Variants in CAPZB observed in about 807,000 individuals in gnomAD.
The protein encoded by CAPZB is F-actin-capping protein subunit beta.
In CAPZB, 2 loss-of-function variants were observed where a neutral mutation model predicts 38.1. The ratio of observed to expected loss-of-function variants is 0.05; its 90% confidence interval spans 0.02 to 0.17. The LOEUF (loss-of-function observed/expected upper bound fraction) is 0.17. Among genes scored for constraint, CAPZB ranks in the 10% least tolerant of loss-of-function variants. CAPZB has a pLI of 1.00. For synonymous variants in CAPZB, 107 were observed against 127.4 expected (o/e 0.84, Z 1.08); for missense variants, 161 against 334.2 (o/e 0.48, Z 4.04).
At chr1:19,385,461 C>T (rs370401619) in intron 3 of CAPZB, 44 bp downstream of exon 3, 217 of 1,609,326 alleles carry the variant, frequency 1.3e-4, no homozygotes, top group Middle Eastern at 2.2e-4. Flanking sequence ...CGGCAGCCCG[C>T]GTGTGCCTGC....
At chr1:19,340,273 G>GC (rs1301186067) in intron 8 of CAPZB, among the ~76,000 whole-genome samples, 1 of 152,190 alleles carries the variant, frequency 6.6e-6, no homozygotes, top group Non-Finnish European at 1.5e-5. Context: ...CTGCTGTGAG[G>GC]CACCATCCGC....
chr1:19,378,987 A>G (rs2094158321), intron 3 of CAPZB, among the ~76,000 whole-genome samples: 1 of 152,174 alleles, frequency 6.6e-6, no homozygotes, highest in Non-Finnish European at 1.5e-5. Flanking sequence ...GAAATGAGAC[A>G]AGCAGATCAA....
intron 1 of CAPZB, among the ~76,000 whole-genome samples, chr1:19,474,171 T>C (rs925118522): frequency 6.6e-6 from 1 of 152,120 alleles, no homozygotes; most frequent in Non-Finnish European, 1.5e-5. Context: ...AATTTTTGTA[T>C]TTTTTGTAGA....
chr1:19,406,147 G>C (rs1443771627), intron 2 of CAPZB, among the ~76,000 whole-genome samples: 1 of 152,250 alleles, frequency 6.6e-6, no homozygotes, highest in Non-Finnish European at 1.5e-5. Context: ...CGTCTGATTA[G>C]TGAATAAGAA....
chr1:19,358,603 T>C (rs2239623), intron 4 of CAPZB, among the ~76,000 whole-genome samples: 50,659 of 152,060 alleles, frequency 0.33, 9,317 homozygotes, highest in East Asian at 0.56. Context: ...TGAGCAGAGG[T>C]GAGGGGTGGA....
At chr1:19,473,312 A>C (rs1206813747) in intron 1 of CAPZB, among the ~76,000 whole-genome samples, 1 of 152,186 alleles carries the variant, frequency 6.6e-6, no homozygotes, top group Non-Finnish European at 1.5e-5. Context: ...CAAGGCCTCC[A>C]TATCCACATC....
chr1:19,457,779 G>C (rs563738297), intron 1 of CAPZB, among the ~76,000 whole-genome samples: 2 of 152,082 alleles, frequency 1.3e-5, no homozygotes, highest in Admixed American at 1.3e-4. Flanking sequence ...ACTGTGGCAC[G>C]GTAACGTTAC....
At chr1:19,418,696 C>T (rs1305998226) in intron 2 of CAPZB, among the ~76,000 whole-genome samples, 4 of 152,202 alleles carry the variant, frequency 2.6e-5, no homozygotes, top group African/African-American at 4.8e-5. Flanking sequence ...ACAGACCTTT[C>T]GGGCTGCTGT....
Position 19,474,078 on chromosome 1 carries a change from T to C in CAPZB, c.3+11358A>G, listed in dbSNP as rs927241231. 2.0e-5 allele frequency among the ~76,000 whole-genome samples: 3 copies of C among 151,944 alleles called. No individual in the cohort carries two copies. In the East Asian group the frequency reaches 5.8e-4, roughly 29 times the overall value. On this transcript the variant is annotated intron_variant, in intron 1 of 8. Transcript: ENST00000264202. ...TGATGTGATCTCGGCTCACTGCAAC[T>C]TCTACCTCCCAGGCTCAAATGATCC...
At chr1:19,368,081 C>A (rs1438301541) in intron 4 of CAPZB, among the ~76,000 whole-genome samples, 1 of 152,166 alleles carries the variant, frequency 6.6e-6, no homozygotes, top group Non-Finnish European at 1.5e-5. Context: ...GTGTCAGGGG[C>A]TTTGCATATC....
At chr1:19,358,417 C>A (rs949243213) in intron 4 of CAPZB, among the ~76,000 whole-genome samples, 3 of 152,224 alleles carry the variant, frequency 2.0e-5, no homozygotes, top group Admixed American at 2.0e-4. Context: ...GGATTACAGG[C>A]ATGAGCCACT....
chr1:19,342,538 C>T (rs2093935600), intron 8 of CAPZB, among the ~76,000 whole-genome samples: 1 of 152,258 alleles, frequency 6.6e-6, no homozygotes, highest in African/African-American at 2.4e-5. Flanking sequence ...CACACCCAGC[C>T]TCCACCCAGA....
chr1:19,349,899 G>A (rs1192198959), intron 6 of CAPZB, among the ~76,000 whole-genome samples: 1 of 152,310 alleles, frequency 6.6e-6, no homozygotes, highest in East Asian at 1.9e-4. Flanking sequence ...GGGTCGGCTC[G>A]GTGGCAATAC....
intron 1 of CAPZB, chr1:19,484,757 G>A (rs2094644810): frequency 1.9e-6 from 2 of 1,028,636 alleles, no homozygotes; most frequent in Non-Finnish European, 2.3e-6. Flanking sequence ...GTTACGCTAG[G>A]AGTGGCGAAA....
intron 1 of CAPZB, chr1:19,484,438 G>A: frequency 6.6e-7 from 1 of 1,506,848 alleles, no homozygotes; most frequent in Non-Finnish European, 8.9e-7. Context: ...CTGCCCTGCA[G>A]AATGCTTCGC....
chr1:19,451,954 AATT>A, intron 1 of CAPZB, among the ~76,000 whole-genome samples: 1 of 152,120 alleles, frequency 6.6e-6, no homozygotes, highest in East Asian at 1.9e-4. Flanking sequence ...TTATTATTGT[AATT>A]ATTATTTTAT....
Position 19,377,160 on chromosome 1 carries a change from T to C in CAPZB, c.329+1380A>G, listed in dbSNP as rs573862985. 3.3e-5 allele frequency among the ~76,000 whole-genome samples: 5 copies of C among 152,350 alleles called. No homozygotes were observed. In the East Asian group the frequency reaches 5.8e-4, roughly 18 times the overall value. ...TACCAAATGGGCAGGTAAAAGAAGATAGTAAAAAACAATTACAAGTAAACT... is the reference window on the plus strand; with the variant it reads ...TACCAAATGGGCAGGTAAAAGAAGACAGTAAAAAACAATTACAAGTAAACT... On this transcript the variant is annotated intron_variant, in intron 4 of 8. Transcript: ENST00000264202.
intron 4 of CAPZB, among the ~76,000 whole-genome samples, chr1:19,372,756 G>A (rs1286332753): frequency 2.0e-5 from 3 of 152,084 alleles, no homozygotes; most frequent in Non-Finnish European, 2.9e-5. Flanking sequence ...CCCAGGAGTC[G>A]GCCCGCTCGG....
chr1:19,365,631 G>A (rs1032484801), intron 4 of CAPZB, among the ~76,000 whole-genome samples: 2 of 152,018 alleles, frequency 1.3e-5, no homozygotes, highest in Non-Finnish European at 2.9e-5. Flanking sequence ...AGGAGTTCGA[G>A]ACCAGCCTGA....
Sources: gnomAD v4.1 joint callset for allele counts (sites outside exome capture counted in the v4.1 genomes callset) on GRCh38, gnomAD v4.1.1 for gene constraint, MANE v1.5 for transcripts, NCBI Gene and HGNC (gene_info 2026-07-23, HGNC 2026-07-21) for gene names.